The following MACROD2 variants were observed in gnomAD, a reference collection of about 807,000 sequenced individuals.
The protein encoded by MACROD2 is mono-ADP ribosylhydrolase 2, also known as ADP-ribose glycohydrolase MACROD2.
In MACROD2, 36 loss-of-function variants were observed where a neutral mutation model predicts 70.4. The ratio of observed to expected loss-of-function variants is 0.51; its 90% CI spans 0.39 to 0.68. The LOEUF is 0.68. MACROD2 is among the 30% of genes least tolerant of loss of function. MACROD2 has a pLI of 0.00. For missense variants in MACROD2, 496 were observed against 538.4 expected (o/e 0.92, Z 0.78); for synonymous variants, 172 against 178.8 (o/e 0.96, Z 0.30).
intron 5 of MACROD2, among the ~76,000 whole-genome samples, chr20:14,789,460 A>ATCTTTTT (rs2072420013): frequency 2.1e-5 from 1 of 48,326 alleles, no homozygotes; most frequent in Non-Finnish European, 3.6e-5. Flanking sequence ...GGTAGTGCAA[A>ATCTTTTT]TTTTTTTTTT....
chr20:14,937,919 G>T (rs902448415), intron 5 of MACROD2, among the ~76,000 whole-genome samples: 1 of 150,960 alleles, frequency 6.6e-6, no homozygotes, highest in African/African-American at 2.4e-5. Flanking sequence ...ATGTACGATT[G>T]ATGTGATATT....
chr20:14,424,417 C>G (rs1205561858), intron 3 of MACROD2, among the ~76,000 whole-genome samples: 2 of 152,160 alleles, frequency 1.3e-5, no homozygotes, highest in African/African-American at 2.4e-5. Context: ...ACCACTGATA[C>G]CACTGATAAT....
At chr20:14,022,602 A>C (rs2053102430) in intron 2 of MACROD2, among the ~76,000 whole-genome samples, 1 of 151,350 alleles carries the variant, frequency 6.6e-6, no homozygotes, top group Non-Finnish European at 1.5e-5. Context: ...GCCCTCCCCC[A>C]CCCACCGACA....
At chr20:15,095,257 A>G (rs1277985487) in intron 5 of MACROD2, among the ~76,000 whole-genome samples, 1 of 150,296 alleles carries the variant, frequency 6.7e-6, no homozygotes, top group African/African-American at 2.4e-5. Context: ...TTGTATTTTT[A>G]GTAGAGATGG....
intron 4 of MACROD2, among the ~76,000 whole-genome samples, chr20:14,521,149 C>G (rs1021503350): frequency 1.3e-5 from 2 of 152,188 alleles, no homozygotes; most frequent in Admixed American, 6.5e-5. Context: ...ATAATGTCAT[C>G]TCTTCCATAT....
rs144234887 is a variant in MACROD2 at position 14,650,987 on chromosome 20, G to A, written c.302-33856G>A. 2.7e-3 allele frequency among the ~76,000 whole-genome samples: 414 copies of A among 152,268 alleles called. 1 individual carries two copies. The highest frequency in any genetic ancestry group is 9.4e-3 in the African/African-American group (390 of 41,546). ...TGTGGAAACAATAGATCAATGAAAG[G>A]GAGTATAGAACAAAAGAGAGAAGAA... On this transcript the variant is annotated intron_variant, in intron 4 of 17. Transcript: ENST00000684519.
At chr20:15,794,300 A>G (rs905478944) in intron 8 of MACROD2, among the ~76,000 whole-genome samples, 7 of 152,096 alleles carry the variant, frequency 4.6e-5, no homozygotes, top group African/African-American at 1.4e-4. Context: ...GTTAAGATTT[A>G]TATTATTTTT....
chr20:15,088,443 ATATATATAATATT>A (rs1259304710), intron 5 of MACROD2, among the ~76,000 whole-genome samples: 1 of 46,356 alleles, frequency 2.2e-5, no homozygotes, highest in African/African-American at 8.0e-5. Flanking sequence ...ATATATATAT[ATATATATAATATT>A]TTGTGTGTGT....
At chr20:15,272,456 A>G (rs995845588) in intron 6 of MACROD2, among the ~76,000 whole-genome samples, 1 of 152,162 alleles carries the variant, frequency 6.6e-6, no homozygotes, top group Non-Finnish European at 1.5e-5. Context: ...AAATATTCTG[A>G]TTTATAAGGT....
intron 4 of MACROD2, among the ~76,000 whole-genome samples, chr20:14,635,494 A>G (rs181662311): frequency 1.3e-5 from 2 of 152,340 alleles, no homozygotes; most frequent in Admixed American, 6.5e-5. Flanking sequence ...GTCCATCACA[A>G]TAGTGTTCAT....
At chr20:14,310,021 TG>T (rs955556938) in intron 3 of MACROD2, among the ~76,000 whole-genome samples, 1 of 152,108 alleles carries the variant, frequency 6.6e-6, no homozygotes, top group Non-Finnish European at 1.5e-5. Context: ...GGTGTGAGCA[TG>T]GGGGCTTGCT....
At chr20:14,079,470 A>G (rs944969413) in intron 2 of MACROD2, among the ~76,000 whole-genome samples, 16 of 152,232 alleles carry the variant, frequency 1.1e-4, no homozygotes, top group Non-Finnish European at 2.1e-4. Flanking sequence ...TTATTTAAGG[A>G]GACTTTTTTT....
At chr20:15,640,975 T>C (rs1277007408) in intron 8 of MACROD2, among the ~76,000 whole-genome samples, 1 of 152,210 alleles carries the variant, frequency 6.6e-6, no homozygotes, top group Non-Finnish European at 1.5e-5. Context: ...TTCCAGACCT[T>C]CCTCATTTCC....
At chr20:14,914,429 G>A (rs910656281) in intron 5 of MACROD2, among the ~76,000 whole-genome samples, 57 of 152,260 alleles carry the variant, frequency 3.7e-4, no homozygotes, top group African/African-American at 1.4e-3. Flanking sequence ...AGATCATAGT[G>A]GCCAAAGAAA....
chr20:15,192,616 A>C (rs560522005), intron 5 of MACROD2, among the ~76,000 whole-genome samples: 1 of 152,320 alleles, frequency 6.6e-6, no homozygotes, highest in South Asian at 2.1e-4. Flanking sequence ...ATTATCACTT[A>C]GCCATAAACT....
intron 8 of MACROD2, among the ~76,000 whole-genome samples, chr20:15,624,072 A>G (rs1019602066): frequency 3.3e-5 from 5 of 152,204 alleles, no homozygotes; most frequent in African/African-American, 1.2e-4. Flanking sequence ...GGAAGCCAAC[A>G]GTGCAGCCTT....
intron 3 of MACROD2, among the ~76,000 whole-genome samples, chr20:14,162,833 T>A (rs1359293908): frequency 6.6e-6 from 1 of 152,114 alleles, no homozygotes; most frequent in East Asian, 1.9e-4. Flanking sequence ...TTTGAACCTG[T>A]CTATATTTTT....
intron 5 of MACROD2, among the ~76,000 whole-genome samples, chr20:15,062,257 T>C (rs1256997904): frequency 6.6e-6 from 1 of 152,124 alleles, no homozygotes; most frequent in Admixed American, 6.5e-5. Flanking sequence ...TGTTGAGAAA[T>C]AGGATGGCTG....
chr20:15,109,342 A>C (rs2075936919), intron 5 of MACROD2, among the ~76,000 whole-genome samples: 1 of 152,180 alleles, frequency 6.6e-6, no homozygotes, highest in African/African-American at 2.4e-5. Flanking sequence ...AGAATTACTC[A>C]AGTAGTAAGA....
Sources: allele counts gnomAD v4.1 joint callset (sites outside exome capture counted in the v4.1 genomes callset), GRCh38; gene constraint gnomAD v4.1.1; transcripts MANE v1.5; gene names NCBI Gene and HGNC (gene_info 2026-07-23, HGNC 2026-07-21).